The following CHST3 variants were observed in gnomAD, a reference collection of about 807,000 sequenced individuals.
CHST3 encodes the protein carbohydrate sulfotransferase 3, also known as C6ST-1.
Under a neutral mutation model 35.4 loss-of-function variants are expected in CHST3, and 20 were observed. The ratio of observed to expected loss-of-function variants is 0.57; its 90% CI spans 0.40 to 0.82. The LOEUF (loss-of-function observed/expected upper bound fraction) is 0.82. Ranked by LOEUF, CHST3 falls within the 40% of genes least tolerant of loss-of-function variation. CHST3 has a pLI of 0.00. For synonymous variants in CHST3, 334 were observed against 295.9 expected (o/e 1.13, Z -1.32); for missense variants, 693 against 670.1 (o/e 1.03, Z -0.38).
rs776007496 is a variant in CHST3, at chr10:72,007,337, C to T, written c.306C>T (p.Gly102=). The change falls in exon 3 of 3, where the codon GGC becomes GGT. Residue 102 remains glycine, a synonymous_variant. Transcript: ENST00000373115. ...SRLRNLSLQL[G]VEPAMEAAGE... ...TCCGCAACCTCAGCTTGCAGCTGGG[C>T]GTGGAGCCAGCCATGGAGGCCGCAG... The T allele has an allele frequency of 1.1e-5, 18 of 1,609,982 alleles. No homozygotes were observed. The Admixed American group carries it at 2.2e-4, about 20-fold the overall frequency.
chr10:72,002,107 C>T (rs993560534), intron 1 of CHST3, among the ~76,000 whole-genome samples: 33 of 152,178 alleles, frequency 2.2e-4, no homozygotes, highest in Non-Finnish European at 3.8e-4. Context: ...CCTGCCTGCC[C>T]ACCTGCCTGC....
At position 72,008,247 on chromosome 10, in the gene CHST3, C is replaced by A; in HGVS notation, c.1216C>A (p.Gln406Lys). Residue 406 changes from glutamine (Q) to lysine (K), a missense_variant, in exon 3 of 3, where the codon CAG becomes AAG. Gln to Lys is a moderately conservative substitution (Grantham distance 53, BLOSUM62 1). Coordinates refer to ENST00000373115, the MANE Select transcript of CHST3 (RefSeq NM_004273.5). ...QVEDWIQKNT[Q>K]AAHDGSGIYS... ...GGAAGACTGGATCCAAAAGAACACG[C>A]AGGCGGCCCACGACGGCAGCGGCAT... The A allele has an allele frequency of 6.4e-7, 1 of 1,573,404 alleles. No homozygotes were observed.
chr10:72,007,532 C>T lies in CHST3; in HGVS notation c.501C>T (p.His167=). 6.2e-7 allele frequency: 1 copy of T among 1,604,836 alleles called. No individual in the cohort carries two copies. Among genetic ancestry groups the T allele is most frequent in the South Asian group, 1.1e-5 (1 of 91,040 alleles). ...NIFYLFEPLW[H]IERTVSFEPG... is the part of the protein sequence containing the mutation. Reference sequence around the variant, plus strand: ...TCTACCTCTTCGAGCCGCTGTGGCACATCGAGCGCACAGTGTCCTTCGAGC... The same window carrying T: ...TCTACCTCTTCGAGCCGCTGTGGCATATCGAGCGCACAGTGTCCTTCGAGC... Residue 167 remains histidine, a synonymous_variant, in exon 3 of 3, where the codon CAC becomes CAT. Transcript: ENST00000373115.
intron 1 of CHST3, among the ~76,000 whole-genome samples, chr10:71,966,327 G>A (rs555585796): frequency 6.6e-6 from 1 of 152,284 alleles, no homozygotes; most frequent in Admixed American, 6.5e-5. Context: ...AGTGGTCACA[G>A]TCCCTGTACT....
At chr10:71,976,931 T>C (rs138843897) in intron 1 of CHST3, among the ~76,000 whole-genome samples, 258 of 152,322 alleles carry the variant, frequency 1.7e-3, no homozygotes, top group African/African-American at 5.6e-3. Flanking sequence ...AAACAGTCTA[T>C]GTGTGGTCTC....
chr10:71,980,399 T>C (rs1237737097), intron 1 of CHST3, among the ~76,000 whole-genome samples: 1 of 152,192 alleles, frequency 6.6e-6, no homozygotes, highest in Non-Finnish European at 1.5e-5. Context: ...ATGCTTATCA[T>C]TATGATACAG....
At position 72,011,293 on chromosome 10, in the gene CHST3, C is replaced by T. The variant is rs768318754; in HGVS notation, c.*2822C>T. On this transcript the variant is annotated 3_prime_UTR_variant, in exon 3 of 3. Coordinates refer to ENST00000373115, the MANE Select transcript of CHST3 (RefSeq NM_004273.5). Reference sequence around the variant, plus strand: ...ATCAGGGCCCTTGCTGCTGTATTACCTCTGCCCGGGTGTTTGAGACAGGTC... The same window carrying T: ...ATCAGGGCCCTTGCTGCTGTATTACTTCTGCCCGGGTGTTTGAGACAGGTC... 6.6e-6 allele frequency: 1 copy of T among 152,164 alleles called. No homozygotes were observed. Among genetic ancestry groups the T allele is most frequent in the Non-Finnish European group, 1.5e-5 (1 of 68,044 alleles). 9.4% of individuals were successfully genotyped at this position (152,164 alleles called of 1,614,324 possible). A position where few individuals can be genotyped will look rare whatever the true frequency, so the allele number is the denominator to read the frequency against.
rs150108347 is a variant in CHST3, at chr10:71,988,392, C to T, written c.-107-17344C>T. On this transcript the variant is annotated intron_variant, in intron 1 of 2. Transcript: ENST00000373115. ...GTAATCCCCAATGCTGGAAGTGGGG[C>T]CTGGTGGGAGGTGTTTGAGTCATGG... Among the ~76,000 whole-genome samples, 856 of 152,274 alleles carry T rather than the reference C, an allele frequency of 5.6e-3. 6 individuals are homozygous for T. Among genetic ancestry groups the T allele is most frequent in the African/African-American group, 0.02 (819 of 41,544 alleles).
chr10:71,965,667 T>C (rs1839625652), intron 1 of CHST3, among the ~76,000 whole-genome samples: 2 of 152,212 alleles, frequency 1.3e-5, no homozygotes, highest in African/African-American at 4.8e-5. Flanking sequence ...GGGCCTAGCA[T>C]AGTGCCTGGC....
chr10:71,987,471 T>C (rs1839859072), intron 1 of CHST3, among the ~76,000 whole-genome samples: 1 of 151,884 alleles, frequency 6.6e-6, no homozygotes, highest in Non-Finnish European at 1.5e-5. Context: ...CCCAGCACTT[T>C]GGGAGGCTGA....
chr10:72,004,743 A>G (rs372375811), intron 1 of CHST3, among the ~76,000 whole-genome samples: 1 of 152,168 alleles, frequency 6.6e-6, no homozygotes, highest in African/African-American at 2.4e-5. Flanking sequence ...AGCTTGCTAC[A>G]TCGGAGTCTC....
At chr10:71,966,189 T>C (rs1488937351) in intron 1 of CHST3, among the ~76,000 whole-genome samples, 2 of 151,898 alleles carry the variant, frequency 1.3e-5, no homozygotes, top group Non-Finnish European at 2.9e-5. Flanking sequence ...CATGGGAACA[T>C]GTAGAATTTG....
intron 1 of CHST3, among the ~76,000 whole-genome samples, chr10:71,981,812 C>T (rs1255915897): frequency 2.0e-5 from 3 of 152,234 alleles, no homozygotes; most frequent in Non-Finnish European, 4.4e-5. Context: ...GTCAACCCCG[C>T]CCCTGGCTGC....
intron 1 of CHST3, among the ~76,000 whole-genome samples, chr10:71,979,188 C>T (rs1839776456): frequency 6.6e-6 from 1 of 152,168 alleles, no homozygotes; most frequent in African/African-American, 2.4e-5. Flanking sequence ...GAGGCCCTCC[C>T]TTCACATCCT....
intron 1 of CHST3, among the ~76,000 whole-genome samples, chr10:72,005,195 A>G (rs1840026324): frequency 3.3e-5 from 5 of 152,204 alleles, no homozygotes; most frequent in Admixed American, 3.3e-4. Flanking sequence ...TCTATAATTC[A>G]CAGGACAGTC....
At chr10:71,975,345 C>T (rs1288034460) in intron 1 of CHST3, among the ~76,000 whole-genome samples, 5 of 152,328 alleles carry the variant, frequency 3.3e-5, no homozygotes, top group African/African-American at 9.6e-5. Flanking sequence ...CATAACTGTC[C>T]AACTCCAGAT....
chr10:71,973,209 C>G (rs1479993139), intron 1 of CHST3, among the ~76,000 whole-genome samples: 1 of 152,096 alleles, frequency 6.6e-6, no homozygotes, highest in Non-Finnish European at 1.5e-5. Context: ...AGTGGGACCC[C>G]GGCACATGGC....
At chr10:72,004,732 G>A (rs770852881) in intron 1 of CHST3, among the ~76,000 whole-genome samples, 4 of 152,136 alleles carry the variant, frequency 2.6e-5, no homozygotes, top group Non-Finnish European at 5.9e-5. Context: ...TTCTGAATGG[G>A]AGCTTGCTAC....
intron 1 of CHST3, among the ~76,000 whole-genome samples, chr10:71,988,457 T>C (rs1477010881): frequency 6.6e-6 from 1 of 152,192 alleles, no homozygotes; most frequent in African/African-American, 2.4e-5. Flanking sequence ...TTCCTCATAG[T>C]GAGTTCTTGC....
Sources: gnomAD v4.1 joint callset for allele counts (sites outside exome capture counted in the v4.1 genomes callset) on GRCh38, gnomAD v4.1.1 for gene constraint, MANE v1.5 for transcripts, NCBI Gene and HGNC (gene_info 2026-07-23, HGNC 2026-07-21) for gene names.